CPLX1: variants seen among roughly 807,000 people sequenced by gnomAD.
CPLX1 encodes complexin-1.
Under a neutral mutation model 15.6 loss-of-function variants are expected in CPLX1, and 6 were observed. That is an observed-to-expected ratio of 0.39 (90% CI 0.21 to 0.76). The LOEUF is 0.76. Ranked by LOEUF, CPLX1 falls within the 30% of genes least tolerant of loss-of-function variation. The probability of loss-of-function intolerance (pLI) is 0.43; values close to 1 mark genes in which losing one functional copy is unlikely to be tolerated. For synonymous variants in CPLX1, 91 were observed against 75.2 expected (o/e 1.21, Z -1.08); for missense variants, 242 against 188.6 (o/e 1.28, Z -1.66).
chr4:790,103 G>A (rs977815239), intron 3 of CPLX1, among the ~76,000 whole-genome samples: 7 of 152,170 alleles, frequency 4.6e-5, no homozygotes, highest in African/African-American at 1.7e-4. Context: ...CCTGAGGGCG[G>A]GGTTCCCCCA....
chr4:813,200 G>A (rs1369506937), intron 2 of CPLX1, among the ~76,000 whole-genome samples: 1 of 151,112 alleles, frequency 6.6e-6, no homozygotes, highest in Non-Finnish European at 1.5e-5. Context: ...GGGAGCCGGA[G>A]GTTGCAGTGA....
chr4:798,686 T>TG lies in CPLX1; in HGVS notation c.32-6079dup, dbSNP rs550183152. Among the ~76,000 whole-genome samples, 71 of 152,364 alleles carry TG rather than the reference T, an allele frequency of 4.7e-4. No homozygotes were observed. In the Middle Eastern group the frequency reaches 0.01, roughly 22 times the overall value. Reference sequence around the variant, plus strand: ...TGCTGGGATTGCAGGCGTGAGCCACTGTGCCCGGCCAGATAGTGCTTTCAG... The same window carrying TG: ...TGCTGGGATTGCAGGCGTGAGCCACTGGTGCCCGGCCAGATAGTGCTTTCAG... On this transcript the variant is annotated intron_variant, in intron 2 of 3. Coordinates refer to ENST00000304062, the MANE Select transcript of CPLX1 (RefSeq NM_006651.4).
chr4:786,366 G>C lies in CPLX1; in HGVS notation c.*135C>G, dbSNP rs1745987682. The C allele has an allele frequency of 2.1e-6, 2 of 970,522 alleles. No individual in the cohort carries two copies. Among genetic ancestry groups the C allele is most frequent in the Non-Finnish European group, 2.8e-6 (2 of 712,474 alleles). 60.1% of individuals were successfully genotyped at this position (970,522 alleles called of 1,614,324 possible). A position where few individuals can be genotyped will look rare whatever the true frequency, so the allele number is the denominator to read the frequency against. On this transcript the variant is annotated 3_prime_UTR_variant, in exon 4 of 4. Transcript: ENST00000304062. Reference sequence around the variant, plus strand: ...CCTTGCCGGGTGAGGGAGGCGGCGGGCGCGGGCAGGGCGGGCCTGGGGCTA... The same window carrying C: ...CCTTGCCGGGTGAGGGAGGCGGCGGCCGCGGGCAGGGCGGGCCTGGGGCTA...
In CPLX1 at chr4:787,645, C is replaced by T. The variant is rs549850398; in HGVS notation, c.208-947G>A. 8.4e-5 allele frequency: 81 copies of T among 965,296 alleles called. No individual in the cohort carries two copies. The African/African-American group carries it at 1.3e-3, about 15-fold the overall frequency. The allele number at this position is 965,296 out of a possible 1,614,324, so 59.8% of individuals were successfully genotyped here. ...CGGGGCCGCCAGACGCAGGAAGGGG[C>T]AGGGAAGGGCCCTCCCCCAGAGCCT... On this transcript the variant is annotated intron_variant, in intron 3 of 3. Transcript: ENST00000304062.
intron 2 of CPLX1, chr4:804,854 C>T: frequency 1.0e-6 from 1 of 966,136 alleles, no homozygotes; most frequent in Non-Finnish European, 1.2e-6. Context: ...TGCTCAGCCT[C>T]CACGGGAAAG....
intron 3 of CPLX1, among the ~76,000 whole-genome samples, chr4:792,174 C>T (rs1352376545): frequency 6.6e-6 from 1 of 152,238 alleles, no homozygotes; most frequent in Non-Finnish European, 1.5e-5. Flanking sequence ...CCACGCAGGG[C>T]TGCGCATCGG....
chr4:791,198 G>A lies in CPLX1; in HGVS notation c.207+1235C>T, dbSNP rs1316702411. On this transcript the variant is annotated intron_variant, in intron 3 of 3. Coordinates refer to ENST00000304062, the MANE Select transcript of CPLX1 (RefSeq NM_006651.4). ...CGGGGCGGGGGGCGGGGAGCGGGGG[G>A]CGGAGGGGTGGGCTGGAGGCTTGAG... Among the ~76,000 whole-genome samples, 5 of 151,492 alleles carry A rather than the reference G, an allele frequency of 3.3e-5. No homozygotes were observed. The East Asian group carries it at 5.8e-4, about 18-fold the overall frequency.
intron 2 of CPLX1, among the ~76,000 whole-genome samples, chr4:798,382 G>A (rs889140222): frequency 2.6e-5 from 4 of 152,068 alleles, no homozygotes; most frequent in African/African-American, 9.7e-5. Flanking sequence ...GAGCTGCAGA[G>A]GGAATTCAAT....
Position 792,492 on chromosome 4 carries a change from C to A in CPLX1, c.148G>T (p.Ala50Ser). The change falls in exon 3 of 4, where the codon GCC becomes TCC. Residue 50 changes from alanine to serine, a missense_variant. Coordinates refer to ENST00000304062, the MANE Select transcript of CPLX1 (RefSeq NM_006651.4). ...ALRQAEEERK[A>S]KYAKMEAERE... ...TCCGCCTCCATCTTGGCGTACTTGG[C>A]CTTGCGCTCCTCCTCCGCCTGGCGC... The A allele has an allele frequency of 6.2e-7, 1 of 1,612,894 alleles. No homozygotes were observed.
intron 1 of CPLX1, among the ~76,000 whole-genome samples, chr4:825,731 C>T (rs1259639979): frequency 2.7e-5 from 4 of 149,536 alleles, no homozygotes; most frequent in African/African-American, 9.8e-5. Flanking sequence ...CGCCCCGGAC[C>T]CCGCGCGCGC....
At chr4:803,996 T>G (rs944291254) in intron 2 of CPLX1, among the ~76,000 whole-genome samples, 1 of 152,212 alleles carries the variant, frequency 6.6e-6, no homozygotes, top group African/African-American at 2.4e-5. Context: ...TATGCTTAGG[T>G]GCACAGCCTC....
intron 2 of CPLX1, among the ~76,000 whole-genome samples, chr4:799,613 A>G (rs1746412851): frequency 6.6e-6 from 1 of 152,218 alleles, no homozygotes; most frequent in South Asian, 2.1e-4. Context: ...CTGTAATCCC[A>G]GCACTTTGGG....
intron 2 of CPLX1, among the ~76,000 whole-genome samples, chr4:796,343 C>A (rs906063427): frequency 6.6e-6 from 1 of 152,214 alleles, no homozygotes; most frequent in African/African-American, 2.4e-5. Flanking sequence ...CTGAAGACTT[C>A]ATGTGGGCCT....
chr4:809,603 G>GT (rs1746624093), intron 2 of CPLX1, among the ~76,000 whole-genome samples: 1 of 152,222 alleles, frequency 6.6e-6, no homozygotes, highest in African/African-American at 2.4e-5. Context: ...GGCGTCCTCC[G>GT]TAACTCTCAG....
intron 2 of CPLX1, among the ~76,000 whole-genome samples, chr4:814,883 G>A (rs1284653016): frequency 6.6e-6 from 1 of 152,216 alleles, no homozygotes; most frequent in Non-Finnish European, 1.5e-5. Context: ...GTGAAAGAAG[G>A]ATTCCATGAA....
At chr4:795,814 G>A (rs1279739073) in intron 2 of CPLX1, among the ~76,000 whole-genome samples, 2 of 151,258 alleles carry the variant, frequency 1.3e-5, no homozygotes, top group East Asian at 3.9e-4. Context: ...GTGGGGGGGG[G>A]GTGCAGATCG....
intron 2 of CPLX1, among the ~76,000 whole-genome samples, chr4:805,991 C>T (rs1319855135): frequency 6.6e-6 from 1 of 152,048 alleles, no homozygotes; most frequent in East Asian, 1.9e-4. Flanking sequence ...GACAGAGTTT[C>T]AGTTGGAAAT....
chr4:813,094 G>A lies in CPLX1; in HGVS notation c.31+11398C>T, dbSNP rs540008987. 6.1e-4 allele frequency among the ~76,000 whole-genome samples: 92 copies of A among 151,452 alleles called. 1 individual carries two copies. The highest frequency in any genetic ancestry group is 1.1e-3 in the South Asian group (5 of 4,760). ...AGCCTGGCCAACATGGTGAAACCCC[G>A]TCTCTACTAAAAATGCAAAAATTAG... On this transcript the variant is annotated intron_variant, in intron 2 of 3. Transcript: ENST00000304062.
At chr4:802,633 A>AAAT in intron 2 of CPLX1, among the ~76,000 whole-genome samples, 1 of 152,342 alleles carries the variant, frequency 6.6e-6, no homozygotes, top group East Asian at 1.9e-4. Context: ...ACTGAAGAGG[A>AAAT]AATAAAAACT....
Sources: gnomAD v4.1 joint callset for allele counts (sites outside exome capture counted in the v4.1 genomes callset) on GRCh38, gnomAD v4.1.1 for gene constraint, MANE v1.5 for transcripts, NCBI Gene and HGNC (gene_info 2026-07-23, HGNC 2026-07-21) for gene names.